Variants in PCDHGA4 observed in about 807,000 individuals in gnomAD.
PCDHGA4 encodes the protein protocadherin gamma subfamily A, 4.
In PCDHGA4, 38 loss-of-function variants were observed where a neutral mutation model predicts 54.6. That is an observed-to-expected ratio of 0.70 (90% CI 0.54 to 0.91). PCDHGA4 has a LOEUF of 0.91. Ranked by LOEUF, PCDHGA4 falls within the 40% of genes least tolerant of loss-of-function variation. The pLI is 0.00. For synonymous variants in PCDHGA4, 511 were observed against 512.9 expected (o/e 1.00, Z 0.05); for missense variants, 1,298 against 1,220.9 (o/e 1.06, Z -0.94).
At position 141,485,396 on chromosome 5, in the gene PCDHGA4, T is replaced by C. The variant is rs1466959644; in HGVS notation, c.2515-9411T>C. 2.5e-6 allele frequency: 4 copies of C among 1,614,042 alleles called. No homozygotes were observed. Among genetic ancestry groups the C allele is most frequent in the Non-Finnish European group, 3.4e-6 (4 of 1,179,960 alleles). On this transcript the variant is annotated intron_variant, in intron 1 of 3. Coordinates refer to ENST00000571252, the MANE Select transcript of PCDHGA4 (RefSeq NM_018917.4). The surrounding 1 kb of genome is among the most constrained non-coding windows in gnomAD (Gnocchi z 5.7). ...CGCTGGAGAGGTGAACCAAAGACAC[T>C]TCCGTGTGGATTTGGACAGCGGAGC...
intron 1 of PCDHGA4, chr5:141,394,121 T>G: frequency 6.2e-7 from 1 of 1,613,920 alleles, no homozygotes; most frequent in Non-Finnish European, 8.5e-7. Flanking sequence ...CCACTGAAAC[T>G]CAAATCGCTC....
intron 1 of PCDHGA4, among the ~76,000 whole-genome samples, chr5:141,470,011 C>T (rs2099218489): frequency 6.6e-6 from 1 of 152,144 alleles, no homozygotes; most frequent in Non-Finnish European, 1.5e-5. Context: ...CGCCTGTAAT[C>T]CCAGCTACTC....
At chr5:141,375,007 C>A (rs369489853) in intron 1 of PCDHGA4, 1 of 1,614,000 alleles carries the variant, frequency 6.2e-7, no homozygotes, top group East Asian at 2.2e-5. Context: ...CAAATCTAGA[C>A]TATGAGGACT....
intron 1 of PCDHGA4, among the ~76,000 whole-genome samples, chr5:141,480,187 T>TGAGGCCAGCAGTTC (rs2099513839): frequency 6.6e-6 from 1 of 151,380 alleles, no homozygotes; most frequent in Admixed American, 6.6e-5. Context: ...GCGGATTGCT[T>TGAGGCCAGCAGTTC]GAGGCCAGCA....
At chr5:141,362,807 C>T (rs1762681821) in intron 1 of PCDHGA4, among the ~76,000 whole-genome samples, 1 of 152,214 alleles carries the variant, frequency 6.6e-6, no homozygotes, top group Non-Finnish European at 1.5e-5. Context: ...CTTTACATTA[C>T]TTCTCTCTGC....
chr5:141,486,843 A>G lies in PCDHGA4; in HGVS notation c.2515-7964A>G, dbSNP rs1455684942. On this transcript the variant is annotated intron_variant, in intron 1 of 3. Coordinates refer to ENST00000571252, the MANE Select transcript of PCDHGA4 (RefSeq NM_018917.4). The surrounding 1 kb of genome is among the most constrained non-coding windows in gnomAD (Gnocchi z 5.0). ...GTAACAGTTCGTCTATTTGTGCTGG[A>G]CCTCAATGACAATGCTCCAGCTGTG... 6.2e-7 allele frequency: 1 copy of G among 1,614,214 alleles called. No homozygotes were observed. Among genetic ancestry groups the G allele is most frequent in the Admixed American group, 1.7e-5 (1 of 60,034 alleles).
At position 141,476,030 on chromosome 5, in the gene PCDHGA4, G is replaced by A; in HGVS notation, c.2515-18777G>A. On this transcript the variant is annotated intron_variant, in intron 1 of 3. Coordinates refer to ENST00000571252, the MANE Select transcript of PCDHGA4 (RefSeq NM_018917.4). This position sits in a 1 kb window ranked among gnomAD's most constrained non-coding sequence, Gnocchi z 7.6. ...AAAGCCATGTCGGACTCGGCGCCCA[G>A]CGCCCAAGCGCTAACCCGCTGAAAG... 2.7e-6 allele frequency: 4 copies of A among 1,459,176 alleles called. No individual in the cohort carries two copies. The highest frequency in any genetic ancestry group is 3.6e-6 in the Non-Finnish European group (4 of 1,096,658). The allele number at this position is 1,459,176 out of a possible 1,614,324, so 90.4% of individuals were successfully genotyped here. A position where few individuals can be genotyped will look rare whatever the true frequency, so the allele number is the denominator to read the frequency against.
intron 1 of PCDHGA4, chr5:141,415,791 C>CTTT: frequency 1.5e-6 from 2 of 1,341,938 alleles, no homozygotes; most frequent in Non-Finnish European, 1.9e-6. Flanking sequence ...GTAAAATTCA[C>CTTT]CTAGTCTCAA....
Position 141,477,598 on chromosome 5 carries a change from C to A in PCDHGA4, c.2515-17209C>A. The A allele has an allele frequency of 6.2e-7, 1 of 1,614,180 alleles. No homozygotes were observed. The highest frequency in any genetic ancestry group is 8.5e-7 in the Non-Finnish European group (1 of 1,180,030). ...CCCCGCAGAATGCTCGGCTTTCTTT[C>A]TTTCTCTTGGAGCAAGGAGCTGAAA... On this transcript the variant is annotated intron_variant, in intron 1 of 3. Transcript: ENST00000571252. This position sits in a 1 kb window ranked among gnomAD's most constrained non-coding sequence, Gnocchi z 4.9.
intron 1 of PCDHGA4, chr5:141,394,722 G>A (rs1483795023): frequency 2.5e-6 from 4 of 1,613,314 alleles, no homozygotes; most frequent in Admixed American, 3.3e-5. Flanking sequence ...GGACAGAGAT[G>A]CGCTCAAGCA....
chr5:141,477,777 A>G lies in PCDHGA4; in HGVS notation c.2515-17030A>G, dbSNP rs775845004. ...GTCCTAGCCACCAACATCAGCGTGA[A>G]CATATTTGTCACTGATCGCAATGAC... is the stretch of plus-strand genomic sequence containing the variant. On this transcript the variant is annotated intron_variant, in intron 1 of 3. Transcript: ENST00000571252. The surrounding 1 kb of genome is among the most constrained non-coding windows in gnomAD (Gnocchi z 4.9). The G allele has an allele frequency of 1.9e-4, 299 of 1,613,944 alleles. No homozygotes were observed. Among genetic ancestry groups the G allele is most frequent in the Non-Finnish European group, 2.5e-4 (295 of 1,180,048 alleles).
intron 2 of PCDHGA4, among the ~76,000 whole-genome samples, chr5:141,503,855 TA>T (rs2099832899): frequency 1.3e-5 from 2 of 152,136 alleles, no homozygotes; most frequent in Non-Finnish European, 2.9e-5. Context: ...GGAAAAATTG[TA>T]AAGCAGTTCT....
intron 1 of PCDHGA4, chr5:141,385,549 C>G (rs2090279237): frequency 7.6e-7 from 1 of 1,316,048 alleles, no homozygotes; most frequent in Non-Finnish European, 9.7e-7. Context: ...TGGACTATCA[C>G]ATTTTATAAT....
chr5:141,460,614 G>A (rs10058360), intron 1 of PCDHGA4, among the ~76,000 whole-genome samples: 42,418 of 151,914 alleles, frequency 0.28, 6,648 homozygotes, highest in African/African-American at 0.43. Flanking sequence ...TAGATGGATA[G>A]ATAGACAGAT....
chr5:141,468,981 A>G (rs1209945826), intron 1 of PCDHGA4, among the ~76,000 whole-genome samples: 4 of 151,852 alleles, frequency 2.6e-5, no homozygotes, highest in East Asian at 1.9e-4. Context: ...TTTGACTTCC[A>G]AAATTATTGT....
intron 1 of PCDHGA4, chr5:141,393,012 G>T: frequency 1.9e-6 from 3 of 1,613,842 alleles, no homozygotes; most frequent in Non-Finnish European, 2.5e-6. Context: ...AGTCCGTATC[G>T]TCTCCAGAGG....
At chr5:141,499,061 G>A (rs1300036203) in intron 2 of PCDHGA4, among the ~76,000 whole-genome samples, 1 of 151,914 alleles carries the variant, frequency 6.6e-6, no homozygotes, top group African/African-American at 2.4e-5. Flanking sequence ...AAATGAAGAA[G>A]ACTTACATTC....
intron 1 of PCDHGA4, chr5:141,399,528 C>A: frequency 6.2e-7 from 1 of 1,614,046 alleles, no homozygotes; most frequent in Non-Finnish European, 8.5e-7. Flanking sequence ...GGGCCTCCAT[C>A]GCGCAAGTCT....
In PCDHGA4 at chr5:141,489,984, T is replaced by C; in HGVS notation, c.2515-4823T>C. The C allele has an allele frequency of 1.2e-6, 2 of 1,614,212 alleles. No homozygotes were observed. Among genetic ancestry groups the C allele is most frequent in the South Asian group, 1.1e-5 (1 of 91,090 alleles). ...CAACCTTCCAATCCTCAGTTCTACG[T>C]GTGGGAATCCCAGAGAATGCACCCA... On this transcript the variant is annotated intron_variant, in intron 1 of 3. Transcript: ENST00000571252. The surrounding 1 kb of genome is among the most constrained non-coding windows in gnomAD (Gnocchi z 4.5).
Sources: gnomAD v4.1 joint callset for allele counts (sites outside exome capture counted in the v4.1 genomes callset) on GRCh38, gnomAD v4.1.1 for gene constraint, Gnocchi (gnomAD v3.1) non-coding constraint, MANE v1.5 for transcripts, NCBI Gene and HGNC (gene_info 2026-07-23, HGNC 2026-07-21) for gene names.